Variants in LRRTM4 observed in about 807,000 individuals in gnomAD.
LRRTM4 encodes the protein leucine rich repeat transmembrane neuronal 4.
LRRTM4 carries 25 observed loss-of-function variants against 47.6 expected under a neutral mutation model. The ratio of observed to expected loss-of-function variants is 0.53; its 90% CI spans 0.38 to 0.73. The LOEUF is 0.73. Ranked by LOEUF, LRRTM4 falls within the 30% of genes least tolerant of loss-of-function variation. The pLI is 0.00. For missense variants in LRRTM4, 638 were observed against 713.4 expected (o/e 0.89, Z 1.20); for synonymous variants, 311 against 269.5 (o/e 1.15, Z -1.51).
At chr2:76,907,768 A>C (rs1401412437) in intron 3 of LRRTM4, among the ~76,000 whole-genome samples, 1 of 129,730 alleles carries the variant, frequency 7.7e-6, no homozygotes, top group Non-Finnish European at 1.6e-5. Context: ...TCCTCGACAC[A>C]TACACTCTCC....
At chr2:77,309,556 C>A (rs1180316728) in intron 3 of LRRTM4, among the ~76,000 whole-genome samples, 1 of 151,996 alleles carries the variant, frequency 6.6e-6, no homozygotes, top group African/African-American at 2.4e-5. Flanking sequence ...GCCTGTAAGT[C>A]CAATCAGGTT....
intron 3 of LRRTM4, among the ~76,000 whole-genome samples, chr2:76,952,279 A>C (rs1675523055): frequency 6.6e-6 from 1 of 152,004 alleles, no homozygotes; most frequent in African/African-American, 2.4e-5. Flanking sequence ...ATTTGGAGAA[A>C]ATATTTGCAG....
In LRRTM4 at chr2:77,519,149, C is replaced by T. The variant is rs1679367053; in HGVS notation, c.720G>A (p.Arg240=). The T allele has an allele frequency of 1.2e-6, 2 of 1,613,112 alleles. No homozygotes were observed. The highest frequency in any genetic ancestry group is 1.7e-6 in the Non-Finnish European group (2 of 1,179,524). The stretch of plus-strand genomic sequence containing the variant: ...TCAAACCTTGGCTAATGGAGCGAAT[C>T]CTGTTCCATTGTAAGTAAATTGAGC... The part of the protein sequence containing the change: ...NLRSIYLQWN[R]IRSISQGLTW... The change falls in exon 3 of 4, where the codon AGG becomes AGA. Residue 240 remains arginine, a synonymous_variant. Transcript: ENST00000409884. The surrounding 1 kb of genome is among the most constrained non-coding windows in gnomAD (Gnocchi z 4.6).
At chr2:76,791,080 C>A (rs528058177) in intron 3 of LRRTM4, among the ~76,000 whole-genome samples, 96 of 152,278 alleles carry the variant, frequency 6.3e-4, no homozygotes, top group Non-Finnish European at 8.2e-4. Context: ...ACTTTGATGG[C>A]TTCACAGGAT....
rs1341740028 is a variant in LRRTM4 at position 76,985,639 on chromosome 2, T to C, written c.1552-236723A>G. Reference sequence around the variant, plus strand: ...TGTCTTGCCGCATGATTTGAAGTTTTTGTTAAGGAATCCAGGAAGTTAGAG... The same window carrying C: ...TGTCTTGCCGCATGATTTGAAGTTTCTGTTAAGGAATCCAGGAAGTTAGAG... On this transcript the variant is annotated intron_variant, in intron 3 of 3. Coordinates refer to ENST00000409884, the MANE Select transcript of LRRTM4 (RefSeq NM_001134745.3). Among the ~76,000 whole-genome samples, 7 of 152,122 alleles carry C rather than the reference T, an allele frequency of 4.6e-5. No homozygotes were observed. In the South Asian group the frequency reaches 1.0e-3, roughly 23 times the overall value.
intron 3 of LRRTM4, among the ~76,000 whole-genome samples, chr2:76,876,625 ATTCT>A: frequency 6.6e-6 from 1 of 152,012 alleles, no homozygotes; most frequent in Non-Finnish European, 1.5e-5. Flanking sequence ...GTAGAGCATA[ATTCT>A]TTATGCTCTA....
intron 3 of LRRTM4, among the ~76,000 whole-genome samples, chr2:76,910,388 C>G (rs1475727205): frequency 1.3e-5 from 2 of 151,728 alleles, no homozygotes; most frequent in Non-Finnish European, 2.9e-5. Flanking sequence ...GGAGATATAC[C>G]TAATGCTAGA....
chr2:77,409,987 A>C (rs1208448923), intron 3 of LRRTM4, among the ~76,000 whole-genome samples: 1 of 152,188 alleles, frequency 6.6e-6, no homozygotes, highest in Non-Finnish European at 1.5e-5. Context: ...TAAACCTGTC[A>C]TCACCAAACC....
At chr2:77,438,893 CT>C (rs1675718381) in intron 3 of LRRTM4, among the ~76,000 whole-genome samples, 1 of 152,132 alleles carries the variant, frequency 6.6e-6, no homozygotes, top group Non-Finnish European at 1.5e-5. Context: ...AATCTCAAAA[CT>C]TTCTGTAAAG....
At chr2:77,102,760 G>A (rs578138056) in intron 3 of LRRTM4, among the ~76,000 whole-genome samples, 4 of 152,184 alleles carry the variant, frequency 2.6e-5, no homozygotes, top group South Asian at 4.2e-4. Context: ...ATGCTTTCCC[G>A]TGAACCTCAA....
chr2:76,998,690 CA>C (rs1182810440), intron 3 of LRRTM4, among the ~76,000 whole-genome samples: 11 of 151,090 alleles, frequency 7.3e-5, no homozygotes, highest in Non-Finnish European at 1.3e-4. Flanking sequence ...CCCAAAAAAA[CA>C]AAAAACACAA....
chr2:77,146,141 A>G (rs114877404), intron 3 of LRRTM4, among the ~76,000 whole-genome samples: 1,805 of 152,266 alleles, frequency 0.012, 40 homozygotes, highest in African/African-American at 0.041. Flanking sequence ...CAACTTTTAG[A>G]ATTAATGTCT....
chr2:77,254,160 A>T (rs1374338115), intron 3 of LRRTM4, among the ~76,000 whole-genome samples: 6 of 152,024 alleles, frequency 3.9e-5, no homozygotes. Flanking sequence ...TATTGAAAGC[A>T]GAGAGAAATG....
intron 3 of LRRTM4, among the ~76,000 whole-genome samples, chr2:77,184,241 G>T (rs1452501507): frequency 1.3e-5 from 2 of 151,902 alleles, no homozygotes; most frequent in South Asian, 4.2e-4. Flanking sequence ...ACCAAAATAA[G>T]AACGTAAAAT....
intron 3 of LRRTM4, among the ~76,000 whole-genome samples, chr2:77,318,534 A>G (rs1677687557): frequency 6.6e-6 from 1 of 152,156 alleles, no homozygotes; most frequent in Non-Finnish European, 1.5e-5. Flanking sequence ...GACACCTGGA[A>G]AATATAACTA....
intron 3 of LRRTM4, among the ~76,000 whole-genome samples, chr2:76,949,600 T>C (rs1204623160): frequency 6.6e-6 from 1 of 151,800 alleles, no homozygotes; most frequent in Non-Finnish European, 1.5e-5. Context: ...AGCAGAGAAA[T>C]GGTGATGCTC....
intron 3 of LRRTM4, among the ~76,000 whole-genome samples, chr2:77,130,787 A>C (rs1418131975): frequency 1.4e-5 from 2 of 143,870 alleles, no homozygotes; most frequent in Non-Finnish European, 3.0e-5. Context: ...CTGGGATTAC[A>C]AGTGTGAGCC....
chr2:76,918,327 TA>T (rs1253240498), intron 3 of LRRTM4, among the ~76,000 whole-genome samples: 3 of 152,238 alleles, frequency 2.0e-5, no homozygotes, highest in Non-Finnish European at 4.4e-5. Context: ...TTTAAGTTTT[TA>T]CTTGAGGTGT....
At chr2:77,242,143 A>T (rs1158099310) in intron 3 of LRRTM4, among the ~76,000 whole-genome samples, 2 of 152,114 alleles carry the variant, frequency 1.3e-5, no homozygotes, top group African/African-American at 4.8e-5. Context: ...TTCCATATAA[A>T]TTTTATGATG....
Sources: allele counts gnomAD v4.1 joint callset (sites outside exome capture counted in the v4.1 genomes callset), GRCh38; gene constraint gnomAD v4.1.1; non-coding constraint Gnocchi (gnomAD v3.1); transcripts MANE v1.5; gene names NCBI Gene and HGNC (gene_info 2026-07-23, HGNC 2026-07-21).